The following MYZAP variants were observed in gnomAD, a reference collection of about 807,000 sequenced individuals.
MYZAP encodes myocardial zonula adherens protein, also known as GRINL1A complex locus upstream.
Under a neutral mutation model 69.4 loss-of-function variants are expected in MYZAP, and 66 were observed. The ratio of observed to expected loss-of-function variants is 0.95; its 90% confidence interval spans 0.78 to 1.17. The LOEUF (loss-of-function observed/expected upper bound fraction) is 1.17, where lower values mean the gene tolerates loss of function less well. MYZAP is among the 50% of genes most tolerant of loss of function. The probability of loss-of-function intolerance (pLI) is 0.00; values close to 1 mark genes in which losing one functional copy is unlikely to be tolerated. For missense variants in MYZAP, 611 were observed against 556.2 expected (o/e 1.10, Z -0.99); for synonymous variants, 256 against 205.9 (o/e 1.24, Z -2.09).
Position 57,684,414 on chromosome 15 carries a change from G to C in MYZAP, c.1317G>C (p.Arg439Ser), listed in dbSNP as rs1028354605. The C allele has an allele frequency of 6.2e-7, 1 of 1,612,668 alleles. No individual in the cohort carries two copies. The highest frequency in any genetic ancestry group is 8.5e-7 in the Non-Finnish European group (1 of 1,179,344). ...TCTCATTTCTCAGCCAAACAGGCAG[G>C]ACTCGTGAAATTGTGATGCCTTCTA... ...GCDLLPSQTG[R>S]TREIVMPSRN... Residue 439 changes from arginine (R) to serine (S), a missense_variant, in exon 13 of 13, where the codon AGG becomes AGC. Transcript: ENST00000267853.
At chr15:57,637,463 A>G (rs11635989) in intron 8 of MYZAP, among the ~76,000 whole-genome samples, 39,710 of 152,122 alleles carry the variant, frequency 0.26, 7,008 homozygotes, top group African/African-American at 0.5. Context: ...TTGGAAAATG[A>G]ATCTTGAATG....
At chr15:57,595,131 C>G (rs1306483852) in intron 1 of MYZAP, among the ~76,000 whole-genome samples, 2 of 152,266 alleles carry the variant, frequency 1.3e-5, no homozygotes. Context: ...ACCAGTTAGC[C>G]TTTGTTCAAT....
At position 57,657,697 on chromosome 15, in the gene MYZAP, T is replaced by C. The variant is rs190017647; in HGVS notation, c.1120-3753T>C. The stretch of plus-strand genomic sequence containing the variant: ...CCTTATTTCTCTCTATTATAAATAA[T>C]GGGAGCAAGAACATCTTTATATATA... On this transcript the variant is annotated intron_variant, in intron 10 of 12. Transcript: ENST00000267853. Among the ~76,000 whole-genome samples the C allele has an allele frequency of 7.5e-3, 1,140 of 152,316 alleles. 10 individuals are homozygous for C. Among genetic ancestry groups the C allele is most frequent in the South Asian group, 0.048 (233 of 4,824 alleles).
intron 10 of MYZAP, among the ~76,000 whole-genome samples, chr15:57,640,716 C>T (rs2037101906): frequency 6.6e-6 from 1 of 152,090 alleles, no homozygotes; most frequent in African/African-American, 2.4e-5. Flanking sequence ...GATAAACATA[C>T]ACATTAGATA....
intron 2 of MYZAP, among the ~76,000 whole-genome samples, chr15:57,608,597 T>C (rs1400641352): frequency 6.6e-6 from 1 of 152,204 alleles, no homozygotes; most frequent in African/African-American, 2.4e-5. Flanking sequence ...TTCCTCATCT[T>C]TAAAGTAGAC....
intron 2 of MYZAP, among the ~76,000 whole-genome samples, chr15:57,609,077 A>G (rs939534345): frequency 1.3e-5 from 2 of 152,254 alleles, no homozygotes; most frequent in African/African-American, 4.8e-5. Context: ...ACATAGGTAT[A>G]GATATATATT....
intron 5 of MYZAP, 66 bp from the exon 6 acceptor site, chr15:57,629,636 A>G (rs2140427705): frequency 2.6e-6 from 4 of 1,556,102 alleles, no homozygotes; most frequent in Non-Finnish European, 3.5e-6. Context: ...ATGCCCCAGC[A>G]TGTGGTGCAG....
At chr15:57,622,418 C>T (rs2035874098) in intron 4 of MYZAP, among the ~76,000 whole-genome samples, 1 of 151,636 alleles carries the variant, frequency 6.6e-6, no homozygotes, top group African/African-American at 2.4e-5. Context: ...GTAGGTGATT[C>T]TAAGGTTTAT....
intron 10 of MYZAP, chr15:57,646,589 AAG>A (rs2037458047): frequency 1.0e-6 from 1 of 999,736 alleles, no homozygotes; most frequent in African/African-American, 1.7e-5. Context: ...AGGAGATGGG[AAG>A]AGAGCTTGAA....
intron 1 of MYZAP, chr15:57,599,772 T>C (rs1449799860): frequency 1.5e-5 from 17 of 1,158,370 alleles, no homozygotes; most frequent in Non-Finnish European, 2.0e-5. Flanking sequence ...GGTGAATGAA[T>C]GGAGGGAGGT....
chr15:57,618,182 C>A lies in MYZAP; in HGVS notation c.312C>A (p.Ile104=). The A allele has an allele frequency of 6.2e-7, 1 of 1,613,446 alleles. No homozygotes were observed. Among genetic ancestry groups the A allele is most frequent in the Non-Finnish European group, 8.5e-7 (1 of 1,179,812 alleles). Residue 104 remains isoleucine (I), a synonymous_variant, in exon 3 of 13, where the codon ATC becomes ATA. Transcript: ENST00000267853. ...TSQLKEEMNY[I]KDVRATLEKV... ...AGCTGAAAGAAGAGATGAACTACAT[C>A]AAAGATGTGAGCCATTTAAGAGTTT...
At chr15:57,680,129 C>T (rs754359964) in intron 12 of MYZAP, among the ~76,000 whole-genome samples, 1 of 152,018 alleles carries the variant, frequency 6.6e-6, no homozygotes, top group Non-Finnish European at 1.5e-5. Flanking sequence ...GTGGAAGTGC[C>T]CCGCCTTTTC....
intron 11 of MYZAP, among the ~76,000 whole-genome samples, chr15:57,665,283 G>A (rs192407759): frequency 1.4e-3 from 206 of 152,344 alleles, no homozygotes; most frequent in Non-Finnish European, 2.4e-3. Flanking sequence ...CTGGACGTGA[G>A]TCTTATAGGC....
At chr15:57,654,971 G>C (rs1435324373) in intron 10 of MYZAP, among the ~76,000 whole-genome samples, 1 of 152,038 alleles carries the variant, frequency 6.6e-6, no homozygotes, top group Non-Finnish European at 1.5e-5. Context: ...CCTGAGAGAA[G>C]TTATCTTTTA....
chr15:57,655,583 G>T (rs1483285017), intron 10 of MYZAP, among the ~76,000 whole-genome samples: 1 of 151,328 alleles, frequency 6.6e-6, no homozygotes, highest in Non-Finnish European at 1.5e-5. Flanking sequence ...CAGGTAACTC[G>T]ATTGTAGCTA....
At chr15:57,646,894 A>C (rs551863741) in intron 10 of MYZAP, 29 of 985,322 alleles carry the variant, frequency 2.9e-5, no homozygotes, top group Non-Finnish European at 3.1e-5. Flanking sequence ...AACATCCTTC[A>C]TGTATGTTTT....
chr15:57,675,847 A>G (rs1029507796), intron 12 of MYZAP, among the ~76,000 whole-genome samples: 12 of 152,186 alleles, frequency 7.9e-5, no homozygotes, highest in African/African-American at 2.9e-4. Context: ...AAAGATGCTA[A>G]TGACATGTGA....
At chr15:57,618,010 T>G in intron 2 of MYZAP, 23 bp from the exon 3 acceptor site, 1 of 1,606,608 alleles carries the variant, frequency 6.2e-7, no homozygotes, top group South Asian at 1.1e-5. Context: ...TTATTCTTTT[T>G]TTCTTTTCCT....
chr15:57,621,630 T>C lies in MYZAP; in HGVS notation c.341T>C (p.Val114Ala). 6.2e-7 allele frequency: 1 copy of C among 1,613,586 alleles called. No individual in the cohort carries two copies. Among genetic ancestry groups the C allele is most frequent in the South Asian group, 1.1e-5 (1 of 91,042 alleles). The change falls in exon 4 of 13, where the codon GTG becomes GCG. Residue 114 changes from valine to alanine, a missense_variant. Transcript: ENST00000267853. ...IKDVRATLEK[V>A]RKRMYGDYDE... ...CAGGTGAGAGCCACTTTGGAAAAGG[T>C]GAGAAAGCGAATGTATGGAGACTAT...
Sources: gnomAD v4.1 joint callset for allele counts (sites outside exome capture counted in the v4.1 genomes callset) on GRCh38, gnomAD v4.1.1 for gene constraint, MANE v1.5 for transcripts, NCBI Gene and HGNC (gene_info 2026-07-23, HGNC 2026-07-21) for gene names.